ADAMTS6: variants seen among roughly 807,000 people sequenced by gnomAD.
The protein encoded by ADAMTS6 is ADAM metallopeptidase with thrombospondin type 1 motif 6.
A neutral mutation model predicts 144.3 loss-of-function variants in ADAMTS6; 23 were observed. The observed-to-expected ratio is 0.16, with a 90% CI of 0.11 to 0.23. The LOEUF (loss-of-function observed/expected upper bound fraction) is 0.23, where lower values mean the gene tolerates loss of function less well. Ranked by LOEUF, ADAMTS6 falls within the 10% of genes least tolerant of loss-of-function variation. The pLI, the probability that ADAMTS6 is intolerant of heterozygous loss-of-function variation, is 1.00. For missense variants in ADAMTS6, 999 were observed against 1,379.6 expected, an observed-to-expected ratio of 0.72 and a Z score of 4.37; for synonymous variants, 444 against 457.5, an observed-to-expected ratio of 0.97 and a Z score of 0.38.
intron 7 of ADAMTS6, among the ~76,000 whole-genome samples, chr5:65,350,256 T>C (rs995500479): frequency 5.9e-5 from 9 of 152,324 alleles, no homozygotes; most frequent in African/African-American, 2.2e-4. Flanking sequence ...GTTAAGTTGA[T>C]TTCTTTTTTG....
chr5:65,174,571 T>A (rs1753849698), intron 22 of ADAMTS6, among the ~76,000 whole-genome samples: 1 of 152,168 alleles, frequency 6.6e-6, no homozygotes, highest in Admixed American at 6.5e-5. Flanking sequence ...TTGGTAAGAC[T>A]AGTCTTTGGA....
At chr5:65,395,093 G>A (rs765709470) in intron 7 of ADAMTS6, among the ~76,000 whole-genome samples, 3 of 152,104 alleles carry the variant, frequency 2.0e-5, no homozygotes, top group Non-Finnish European at 4.4e-5. Flanking sequence ...CAAGATCTAA[G>A]TATGTGTATG....
chr5:65,279,385 A>C (rs1354080171), intron 11 of ADAMTS6, among the ~76,000 whole-genome samples: 1 of 151,944 alleles, frequency 6.6e-6, no homozygotes, highest in Admixed American at 6.6e-5. Flanking sequence ...GGTGCCATCT[A>C]GGCTCACTGC....
chr5:65,308,187 G>A (rs6885511), intron 9 of ADAMTS6, among the ~76,000 whole-genome samples: 44,336 of 151,974 alleles, frequency 0.29, 6,652 homozygotes, highest in Admixed American at 0.37. Context: ...AAAAGCCTAT[G>A]TCTGTAGCAT....
At chr5:65,467,855 T>C (rs1760142420) in intron 3 of ADAMTS6, among the ~76,000 whole-genome samples, 1 of 152,042 alleles carries the variant, frequency 6.6e-6, no homozygotes, top group South Asian at 2.1e-4. Context: ...AGTCCCAAAA[T>C]GAGAGATGTT....
chr5:65,155,229 ATATAT>A (rs757170903), intron 24 of ADAMTS6, among the ~76,000 whole-genome samples: 7 of 152,310 alleles, frequency 4.6e-5, no homozygotes, highest in Non-Finnish European at 5.9e-5. Flanking sequence ...CAACATAAAC[ATATAT>A]TATATATATA....
chr5:65,331,765 T>C (rs972127159), intron 8 of ADAMTS6, among the ~76,000 whole-genome samples: 14 of 151,918 alleles, frequency 9.2e-5, no homozygotes, highest in Admixed American at 3.3e-4. Context: ...TGAAAGTGAC[T>C]AGAATACAAC....
At chr5:65,159,625 C>A (rs760911997) in intron 24 of ADAMTS6, among the ~76,000 whole-genome samples, 2 of 152,240 alleles carry the variant, frequency 1.3e-5, no homozygotes, top group African/African-American at 2.4e-5. Context: ...CTCCTCTGTG[C>A]ACTCATGGTC....
At chr5:65,237,274 G>T (rs1212104666) in intron 15 of ADAMTS6, among the ~76,000 whole-genome samples, 1 of 151,310 alleles carries the variant, frequency 6.6e-6, no homozygotes, top group African/African-American at 2.4e-5. Context: ...GTGGTGCCTA[G>T]CTACTCAGGA....
intron 15 of ADAMTS6, among the ~76,000 whole-genome samples, chr5:65,228,600 T>A (rs1278232157): frequency 6.6e-6 from 1 of 151,544 alleles, no homozygotes; most frequent in Non-Finnish European, 1.5e-5. Context: ...AAAAAAAAAA[T>A]TCCCCAAACA....
chr5:65,222,670 G>A (rs974359796), intron 18 of ADAMTS6, among the ~76,000 whole-genome samples: 11 of 151,818 alleles, frequency 7.2e-5, no homozygotes, highest in South Asian at 2.1e-4. Context: ...CACAATACAC[G>A]TCTTTAATGA....
At chr5:65,307,252 T>A (rs1209884337) in intron 9 of ADAMTS6, among the ~76,000 whole-genome samples, 4 of 152,226 alleles carry the variant, frequency 2.6e-5, no homozygotes, top group African/African-American at 9.6e-5. Flanking sequence ...TTTAAGCCTA[T>A]GTGTATAGCT....
In ADAMTS6 at chr5:65,286,498, A is replaced by C. The variant is rs539790191; in HGVS notation, c.1512+4831T>G. Among the ~76,000 whole-genome samples the C allele has an allele frequency of 1.3e-4, 20 of 152,314 alleles. 1 individual carries two copies. The South Asian group carries it at 4.1e-3, about 32-fold the overall frequency. The stretch of plus-strand genomic sequence containing the variant: ...CATTTATGTGCTAACATTTAAGTCT[A>C]TGTAAACAGTGACAAACTTCATAGA... On this transcript the variant is annotated intron_variant, in intron 11 of 24. Transcript: ENST00000381055.
chr5:65,437,809 A>G (rs1757557630), intron 7 of ADAMTS6, among the ~76,000 whole-genome samples: 1 of 152,054 alleles, frequency 6.6e-6, no homozygotes, highest in Admixed American at 6.6e-5. Flanking sequence ...TTATTGTTGT[A>G]TTGTTATTTT....
chr5:65,418,322 C>G (rs1431123534), intron 7 of ADAMTS6, among the ~76,000 whole-genome samples: 1 of 152,172 alleles, frequency 6.6e-6, no homozygotes, highest in Non-Finnish European at 1.5e-5. Context: ...TAATTTATGA[C>G]TAAGTCCTCA....
At chr5:65,275,328 CAG>C (rs1202239611) in intron 11 of ADAMTS6, among the ~76,000 whole-genome samples, 19 of 106,060 alleles carry the variant, frequency 1.8e-4, no homozygotes, top group Non-Finnish European at 3.3e-4. Flanking sequence ...GAGAGAGAGA[CAG>C]AGAGAAATGA....
chr5:65,370,927 G>A (rs1750826609), intron 7 of ADAMTS6, among the ~76,000 whole-genome samples: 1 of 152,226 alleles, frequency 6.6e-6, no homozygotes, highest in East Asian at 1.9e-4. Flanking sequence ...CTGGAGATCT[G>A]AGAACGGGCA....
chr5:65,428,621 A>C (rs570809830), intron 7 of ADAMTS6, among the ~76,000 whole-genome samples: 12 of 152,330 alleles, frequency 7.9e-5, no homozygotes, highest in South Asian at 2.1e-4. Context: ...CAAGTTGCTT[A>C]CTTTTCTCTG....
chr5:65,471,078 T>G lies in ADAMTS6; in HGVS notation c.162A>C (p.Gly54=). The G allele has an allele frequency of 6.2e-7, 1 of 1,610,728 alleles. No homozygotes were observed. Residue 54 remains glycine, a synonymous_variant, in exon 3 of 25, where the codon GGA becomes GGC. Coordinates refer to ENST00000381055, the MANE Select transcript of ADAMTS6 (RefSeq NM_197941.4). ...TTTTCACAGTAAAGCTGAGAAATGCTCCATTTTGATCAACCCTTATTGGAA... is the reference window on the plus strand; with the variant it reads ...TTTTCACAGTAAAGCTGAGAAATGCGCCATTTTGATCAACCCTTATTGGAA... The part of the protein sequence containing the change: ...LTIPIRVDQN[G]AFLSFTVKND...
Sources: allele counts gnomAD v4.1 joint callset (sites outside exome capture counted in the v4.1 genomes callset), GRCh38; gene constraint gnomAD v4.1.1; transcripts MANE v1.5; gene names NCBI Gene and HGNC (gene_info 2026-07-23, HGNC 2026-07-21).